The following COL5A1 variants were observed in gnomAD, a reference collection of about 807,000 sequenced individuals.
The protein encoded by COL5A1 is collagen type V alpha 1 chain.
In COL5A1, 16 loss-of-function variants were observed where a neutral mutation model predicts 263.7. That is an observed-to-expected ratio of 0.06 (90% CI 0.04 to 0.09). The LOEUF is 0.09. Ranked by LOEUF, COL5A1 falls within the 10% of genes least tolerant of loss-of-function variation. COL5A1 has a pLI of 1.00. For missense variants in COL5A1, 2,036 were observed against 2,540.5 expected, an observed-to-expected ratio of 0.80 and a Z score of 4.27; for synonymous variants, 1,012 against 1,004.5, an observed-to-expected ratio of 1.01 and a Z score of -0.14.
intron 21 of COL5A1, 133 bp from the exon 22 acceptor site, chr9:134,766,321 C>A: frequency 1.2e-6 from 1 of 858,032 alleles, no homozygotes; most frequent in South Asian, 1.4e-5. Flanking sequence ...TCCTTCCCTT[C>A]CCCAGAGAGC....
intron 11 of COL5A1, among the ~76,000 whole-genome samples, chr9:134,739,828 G>A (rs147820573): frequency 1.3e-5 from 2 of 152,292 alleles, no homozygotes; most frequent in Non-Finnish European, 2.9e-5. Flanking sequence ...GGCAGGCGGC[G>A]GCAGCCTTCT....
chr9:134,651,899 C>T (rs1831700922), intron 1 of COL5A1, among the ~76,000 whole-genome samples: 1 of 152,154 alleles, frequency 6.6e-6, no homozygotes, highest in Non-Finnish European at 1.5e-5. Flanking sequence ...GATCTGAAAT[C>T]CTCTTCCTGT....
intron 32 of COL5A1, among the ~76,000 whole-genome samples, chr9:134,793,533 G>T (rs539695556): frequency 6.6e-6 from 1 of 152,186 alleles, no homozygotes; most frequent in Non-Finnish European, 1.5e-5. Context: ...AACTGCCAGG[G>T]CCCCAGCGCC....
intron 4 of COL5A1, among the ~76,000 whole-genome samples, chr9:134,720,907 T>TCTGTGAGGG (rs1834426031): frequency 2.0e-5 from 3 of 152,172 alleles, no homozygotes; most frequent in African/African-American, 7.2e-5. Flanking sequence ...CATCCACAGC[T>TCTGTGAGGG]GCCTTCAAGG....
At chr9:134,830,685 C>A (rs1211967153) in intron 64 of COL5A1, among the ~76,000 whole-genome samples, 4 of 152,244 alleles carry the variant, frequency 2.6e-5, no homozygotes, top group African/African-American at 4.8e-5. Flanking sequence ...ACACTGCACA[C>A]CACTGTACGA....
intron 28 of COL5A1, among the ~76,000 whole-genome samples, chr9:134,781,826 G>A (rs924609358): frequency 3.9e-5 from 6 of 152,220 alleles, no homozygotes; most frequent in African/African-American, 1.4e-4. Context: ...GCTGGAAAGG[G>A]CTGGATTCTC....
intron 2 of COL5A1, among the ~76,000 whole-genome samples, chr9:134,699,464 TCTCCCTCCCTCCCC>T (rs1015099656): frequency 5.8e-4 from 87 of 150,910 alleles, no homozygotes; most frequent in African/African-American, 1.9e-3. Flanking sequence ...CCTCCGTCTC[TCTCCCTCCCTCCCC>T]CTCCCTCCCT....
intron 25 of COL5A1, among the ~76,000 whole-genome samples, chr9:134,769,431 T>C (rs1268207583): frequency 6.6e-6 from 1 of 152,248 alleles, no homozygotes; most frequent in Non-Finnish European, 1.5e-5. Context: ...CAATGTGTTG[T>C]GTCCTTTAAT....
intron 4 of COL5A1, among the ~76,000 whole-genome samples, chr9:134,704,214 G>T (rs3109670): frequency 0.53 from 80,242 of 151,742 alleles, 21,665 homozygotes; most frequent in Admixed American, 0.67. Flanking sequence ...TGTTTCCCAG[G>T]GGTGAGATCT....
chr9:134,788,859 G>C (rs908830626), intron 31 of COL5A1, among the ~76,000 whole-genome samples: 39 of 127,106 alleles, frequency 3.1e-4, no homozygotes, highest in Non-Finnish European at 3.6e-4. Context: ...TGAGTGGGAG[G>C]ATAGGTAGAC....
At chr9:134,720,507 G>A (rs1356137194) in intron 4 of COL5A1, among the ~76,000 whole-genome samples, 1 of 152,220 alleles carries the variant, frequency 6.6e-6, no homozygotes, top group Admixed American at 6.5e-5. Context: ...CTTTGTATTT[G>A]AAAGACAGTG....
rs2132884435 is a variant in COL5A1 at position 134,824,785 on chromosome 9, C to G, written c.4884C>G (p.Pro1628=). Residue 1628 remains proline (P), a synonymous_variant, in exon 62 of 66, where the codon CCC becomes CCG. Coordinates refer to ENST00000371817, the MANE Select transcript of COL5A1 (RefSeq NM_000093.5). ...TGGAGATTGAGCAGATGAAACGGCC[C>G]CTGGGCACGCAGCAGAACCCCGCCC... The part of the protein sequence containing the change: ...LKLEIEQMKR[P]LGTQQNPART... 1 of 1,614,118 alleles carries G rather than the reference C, an allele frequency of 6.2e-7. No homozygotes were observed. Among genetic ancestry groups the G allele is most frequent in the Non-Finnish European group, 8.5e-7 (1 of 1,180,032 alleles).
rs1258210858 is a variant in COL5A1, at chr9:134,842,158, C to A, written c.5372C>A (p.Thr1791Asn). Reference sequence around the variant, plus strand: ...GCCATCTGTCTCCCTCTTCCCCAGACCAAGAAAGGCTACCAGAAGACGGTT... The same window carrying A: ...GCCATCTGTCTCCCTCTTCCCCAGAACAAGAAAGGCTACCAGAAGACGGTT... ...YIRALVDGCATKKGYQKTVLE... is the reference protein window; with the variant it reads ...YIRALVDGCANKKGYQKTVLE... The change falls in exon 66 of 66, where the codon ACC (threonine) becomes AAC (asparagine). Residue 1791 changes from threonine (T) to asparagine (N), a missense_variant and splice_region_variant. Physicochemically the swap from Thr to Asn is moderately conservative, Grantham distance 65. Coordinates refer to ENST00000371817, the MANE Select transcript of COL5A1 (RefSeq NM_000093.5). The surrounding 1 kb of genome is among the most constrained non-coding windows in gnomAD (Gnocchi z 5.8). The A allele has an allele frequency of 3.1e-6, 5 of 1,614,138 alleles. No homozygotes were observed. The highest frequency in any genetic ancestry group is 4.2e-6 in the Non-Finnish European group (5 of 1,180,034).
intron 39 of COL5A1, among the ~76,000 whole-genome samples, chr9:134,804,165 G>A (rs1464148174): frequency 6.6e-6 from 1 of 152,152 alleles, no homozygotes; most frequent in East Asian, 1.9e-4. Context: ...TGTGCATGTA[G>A]ATATAGGAAT....
At chr9:134,731,113 T>A (rs1244095135) in intron 7 of COL5A1, among the ~76,000 whole-genome samples, 1 of 152,210 alleles carries the variant, frequency 6.6e-6, no homozygotes, top group Non-Finnish European at 1.5e-5. Flanking sequence ...ATAGCCACTG[T>A]GTGATGCAGA....
chr9:134,762,889 A>G (rs890399535), intron 19 of COL5A1, among the ~76,000 whole-genome samples: 4 of 150,410 alleles, frequency 2.7e-5, no homozygotes, highest in Non-Finnish European at 3.0e-5. Flanking sequence ...GTGTGTGTGT[A>G]TGCGTGCATA....
intron 11 of COL5A1, among the ~76,000 whole-genome samples, chr9:134,744,643 A>G (rs957926212): frequency 7.2e-5 from 11 of 152,104 alleles, no homozygotes; most frequent in Non-Finnish European, 1.6e-4. Flanking sequence ...TCACCCAGAC[A>G]TGCACACAGG....
chr9:134,773,768 G>T (rs954423532), intron 26 of COL5A1, among the ~76,000 whole-genome samples: 6 of 152,176 alleles, frequency 3.9e-5, no homozygotes, highest in South Asian at 2.1e-4. Context: ...CCAGTGCCAG[G>T]CCTGCTGGGC....
intron 44 of COL5A1, 197 bp downstream of exon 44, chr9:134,810,505 CTG>C (rs1838484143): frequency 3.4e-6 from 2 of 596,124 alleles, no homozygotes; most frequent in Admixed American, 3.0e-5. Flanking sequence ...GTGAGTCTCT[CTG>C]TGTTAGAATG....
Sources: gnomAD v4.1 joint callset for allele counts (sites outside exome capture counted in the v4.1 genomes callset) on GRCh38, gnomAD v4.1.1 for gene constraint, Gnocchi (gnomAD v3.1) non-coding constraint, MANE v1.5 for transcripts, NCBI Gene and HGNC (gene_info 2026-07-23, HGNC 2026-07-21) for gene names.